Variants in MDGA2 observed in about 807,000 individuals in gnomAD.
The protein encoded by MDGA2 is MAM domain-containing glycosylphosphatidylinositol anchor protein 2.
A neutral mutation model predicts 117.8 loss-of-function variants in MDGA2; 40 were observed. That is an observed-to-expected ratio of 0.34 (90% CI 0.26 to 0.44). MDGA2 has a LOEUF of 0.44. Ranked by LOEUF, MDGA2 falls within the 20% of genes least tolerant of loss-of-function variation. The pLI, the probability that MDGA2 is intolerant of heterozygous loss-of-function variation, is 1.00. For missense variants in MDGA2, 1,123 were observed against 1,250.6 expected (o/e 0.90, Z 1.54); for synonymous variants, 452 against 439.0 (o/e 1.03, Z -0.37).
intron 2 of MDGA2, among the ~76,000 whole-genome samples, chr14:47,223,069 G>A (rs1886358021): frequency 1.3e-5 from 2 of 152,152 alleles, no homozygotes; most frequent in African/African-American, 4.8e-5. Flanking sequence ...AAGAGAAAAT[G>A]AGAAAGAAGC....
chr14:46,929,601 G>GTGTGTGTGTGTGTGTGTA (rs1398520996), intron 9 of MDGA2, among the ~76,000 whole-genome samples: 1 of 12,676 alleles, frequency 7.9e-5, no homozygotes, highest in African/African-American at 2.1e-4. Flanking sequence ...GTGTGTGTGT[G>GTGTGTGTGTGTGTGTGTA]TATATATATA....
chr14:46,876,813 A>T (rs772722059), intron 12 of MDGA2, among the ~76,000 whole-genome samples: 1 of 151,740 alleles, frequency 6.6e-6, no homozygotes, highest in African/African-American at 2.4e-5. Context: ...TAAATTACAA[A>T]TAAATAGCTC....
chr14:47,472,905 T>TA (rs1893758765), intron 1 of MDGA2, among the ~76,000 whole-genome samples: 1 of 151,628 alleles, frequency 6.6e-6, no homozygotes, highest in East Asian at 1.9e-4. Flanking sequence ...GGCTTTTTTT[T>TA]AAAAAACTCA....
intron 9 of MDGA2, among the ~76,000 whole-genome samples, chr14:46,953,240 A>G (rs997382410): frequency 9.2e-5 from 14 of 151,838 alleles, no homozygotes; most frequent in African/African-American, 3.1e-4. Flanking sequence ...GAGAGTACAT[A>G]TTGGTGGTTT....
intron 1 of MDGA2, among the ~76,000 whole-genome samples, chr14:47,449,180 T>C (rs540116993): frequency 1.3e-5 from 2 of 152,298 alleles, no homozygotes; most frequent in East Asian, 1.9e-4. Context: ...TGTGAAGGCA[T>C]ATGGCATTTT....
chr14:47,561,498 TG>T (rs924148328), intron 1 of MDGA2, among the ~76,000 whole-genome samples: 2 of 152,066 alleles, frequency 1.3e-5, no homozygotes, highest in Non-Finnish European at 2.9e-5. Flanking sequence ...GTTTTGTGAG[TG>T]GGATTACATT....
intron 3 of MDGA2, among the ~76,000 whole-genome samples, chr14:47,161,256 G>C (rs558566425): frequency 1.1e-3 from 171 of 151,814 alleles, no homozygotes; most frequent in Non-Finnish European, 1.9e-3. Context: ...AAATAATTAC[G>C]GCATTTTGAG....
intron 15 of MDGA2, among the ~76,000 whole-genome samples, chr14:46,853,357 AGAG>A (rs1223096294): frequency 6.6e-6 from 1 of 151,914 alleles, no homozygotes; most frequent in Non-Finnish European, 1.5e-5. Context: ...TCGAAGGAGA[AGAG>A]GAGAAAAACC....
chr14:47,210,290 G>A (rs542602918), intron 3 of MDGA2, among the ~76,000 whole-genome samples: 2 of 152,246 alleles, frequency 1.3e-5, no homozygotes, highest in African/African-American at 4.8e-5. Flanking sequence ...CATGTTTAAT[G>A]GATATTGGAA....
chr14:46,956,742 G>A, intron 9 of MDGA2, among the ~76,000 whole-genome samples: 1 of 152,092 alleles, frequency 6.6e-6, no homozygotes, highest in Non-Finnish European at 1.5e-5. Flanking sequence ...AACTGATATG[G>A]TTTGGCTCTG....
At chr14:46,844,246 A>G (rs1880729810) in intron 16 of MDGA2, among the ~76,000 whole-genome samples, 2 of 152,198 alleles carry the variant, frequency 1.3e-5, no homozygotes, top group African/African-American at 4.8e-5. Flanking sequence ...ATTACTTAAT[A>G]TATGTATTTA....
chr14:47,554,503 C>G (rs560222240), intron 1 of MDGA2, among the ~76,000 whole-genome samples: 2 of 152,078 alleles, frequency 1.3e-5, no homozygotes, highest in East Asian at 3.9e-4. Context: ...GGTAATAATT[C>G]TTGGGAAAAT....
At chr14:47,673,877 C>T (rs1898122205) in intron 1 of MDGA2, among the ~76,000 whole-genome samples, 1 of 151,974 alleles carries the variant, frequency 6.6e-6, no homozygotes, top group South Asian at 2.1e-4. Flanking sequence ...GCGGACTTAG[C>T]AGTCCGTTCA....
At chr14:47,078,921 C>G (rs913750986) in intron 6 of MDGA2, among the ~76,000 whole-genome samples, 4 of 151,952 alleles carry the variant, frequency 2.6e-5, no homozygotes, top group Non-Finnish European at 5.9e-5. Flanking sequence ...ATTTTGTATC[C>G]TTTGACCAAC....
chr14:47,371,081 A>T (rs746976572), intron 1 of MDGA2, among the ~76,000 whole-genome samples: 4 of 151,874 alleles, frequency 2.6e-5, no homozygotes, highest in Non-Finnish European at 4.4e-5. Context: ...GATAATAATA[A>T]TTTTACAAAT....
intron 1 of MDGA2, among the ~76,000 whole-genome samples, chr14:47,596,908 T>C (rs1022100389): frequency 1.7e-4 from 26 of 152,122 alleles, no homozygotes; most frequent in African/African-American, 6.0e-4. Context: ...CAAGAGCCTG[T>C]ATCCATAACT....
In MDGA2 at chr14:47,315,440, G is replaced by A. The variant is rs116454029; in HGVS notation, c.281-13890C>T. ...TGCCTTTTTCACTTATTGTGTTACTGTAAGTGACTTTCTTGGCAGGGTCTC... is the reference window on the plus strand; with the variant it reads ...TGCCTTTTTCACTTATTGTGTTACTATAAGTGACTTTCTTGGCAGGGTCTC... On this transcript the variant is annotated intron_variant, in intron 1 of 16. Coordinates refer to ENST00000399232, the MANE Select transcript of MDGA2 (RefSeq NM_001113498.3). 3.9e-3 allele frequency among the ~76,000 whole-genome samples: 596 copies of A among 152,146 alleles called. 7 individuals carry two copies. Among genetic ancestry groups the A allele is most frequent in the African/African-American group, 0.014 (583 of 41,530 alleles).
At position 46,894,739 on chromosome 14, in the gene MDGA2, T is replaced by G. The variant is rs1883012581; in HGVS notation, c.2239-12518A>C. On this transcript the variant is annotated intron_variant, in intron 10 of 16. Coordinates refer to ENST00000399232, the MANE Select transcript of MDGA2 (RefSeq NM_001113498.3). Reference sequence around the variant, plus strand: ...ACTGACATATCCCCCTACCATGTATTTATTACTCCCATCTGTTAAAGCAAA... The same window carrying G: ...ACTGACATATCCCCCTACCATGTATGTATTACTCCCATCTGTTAAAGCAAA... Among the ~76,000 whole-genome samples the G allele has an allele frequency of 1.3e-5, 2 of 152,156 alleles. 1 individual carries two copies. The highest frequency in any genetic ancestry group is 4.8e-5 in the African/African-American group (2 of 41,440).
chr14:47,289,374 C>G (rs1338499141), intron 2 of MDGA2, among the ~76,000 whole-genome samples: 4 of 148,646 alleles, frequency 2.7e-5, no homozygotes, highest in African/African-American at 9.9e-5. Flanking sequence ...ATACATAATA[C>G]AGACTCATAT....
Sources: gnomAD v4.1 joint callset for allele counts (sites outside exome capture counted in the v4.1 genomes callset) on GRCh38, gnomAD v4.1.1 for gene constraint, MANE v1.5 for transcripts, NCBI Gene and HGNC (gene_info 2026-07-23, HGNC 2026-07-21) for gene names.